ACSF2: variants seen among roughly 807,000 people sequenced by gnomAD.
The protein encoded by ACSF2 is acyl-CoA synthetase family member 2.
A neutral mutation model predicts 79.3 loss-of-function variants in ACSF2; 52 were observed. That is an observed-to-expected ratio of 0.66 (90% confidence interval 0.53 to 0.83). The LOEUF (loss-of-function observed/expected upper bound fraction) is 0.83. Among genes scored for constraint, ACSF2 ranks in the 40% least tolerant of loss-of-function variants. The pLI, the probability that ACSF2 is intolerant of heterozygous loss-of-function variation, is 0.00. For missense variants in ACSF2, 661 were observed against 803.3 expected, an observed-to-expected ratio of 0.82 and a Z score of 2.14; for synonymous variants, 283 against 312.6, an observed-to-expected ratio of 0.91 and a Z score of 1.00.
intron 10 of ACSF2, 168 bp downstream of exon 10, chr17:50,464,462 G>A: frequency 1.4e-6 from 1 of 722,536 alleles, no homozygotes; most frequent in Non-Finnish European, 2.5e-6. Context: ...ATCAGCACCT[G>A]GTGGGTGAAG....
At position 50,471,027 on chromosome 17, in the gene ACSF2, G is replaced by T. The variant is rs750707364; in HGVS notation, c.1216-1G>T. The T allele has an allele frequency of 3.0e-5, 49 of 1,613,402 alleles. No individual in the cohort carries two copies. Among genetic ancestry groups the T allele is most frequent in the Non-Finnish European group, 4.1e-5 (48 of 1,179,408 alleles). On this transcript the variant is annotated splice_acceptor_variant, in intron 10 of 15. Coordinates refer to ENST00000300441, the MANE Select transcript of ACSF2 (RefSeq NM_025149.6). LOFTEE classifies it high-confidence loss of function. This position sits in a 1 kb window ranked among gnomAD's most constrained non-coding sequence, Gnocchi z 4.1. ...TCAAACACCCTTTCTGGACCCTCTA[G>T]GTTGCTTATGGAACCACAGAGAACA...
At chr17:50,435,729 T>TA (rs984622803) in intron 1 of ACSF2, among the ~76,000 whole-genome samples, 2 of 152,056 alleles carry the variant, frequency 1.3e-5, no homozygotes, top group African/African-American at 4.8e-5. Flanking sequence ...TATAGCAATT[T>TA]AAAAAAATTT....
Position 50,426,330 on chromosome 17 carries a change from C to T in ACSF2, c.69C>T (p.Ala23=). The T allele has an allele frequency of 1.4e-6, 2 of 1,420,528 alleles. No homozygotes were observed. The highest frequency in any genetic ancestry group is 1.6e-5 in the South Asian group (1 of 61,970). The allele number at this position is 1,420,528 out of a possible 1,614,324, so 88.0% of individuals were successfully genotyped here. A position where few individuals can be genotyped will look rare whatever the true frequency, so the allele number is the denominator to read the frequency against. Residue 23 remains alanine (A), a synonymous_variant, in exon 1 of 16, where the codon GCC becomes GCT. Transcript: ENST00000300441. The part of the protein sequence containing the change: ...LCAGSSGVLG[A]RAALSRSWQE... Reference sequence around the variant, plus strand: ...CCGGGAGCTCGGGGGTGCTGGGGGCCCGGGCCGCCCTCTCTCGGAGTTGGC... The same window carrying T: ...CCGGGAGCTCGGGGGTGCTGGGGGCTCGGGCCGCCCTCTCTCGGAGTTGGC...
In ACSF2 at chr17:50,438,627, C is replaced by T. The variant is rs907665530; in HGVS notation, c.128+12238C>T. Among the ~76,000 whole-genome samples, 10 of 151,974 alleles carry T rather than the reference C, an allele frequency of 6.6e-5. No individual in the cohort carries two copies. In the South Asian group the frequency reaches 8.3e-4, roughly 13 times the overall value. On this transcript the variant is annotated intron_variant, in intron 1 of 15. Coordinates refer to ENST00000300441, the MANE Select transcript of ACSF2 (RefSeq NM_025149.6). The stretch of plus-strand genomic sequence containing the variant: ...TGTCACCCAGGCTGGAGTACGACAG[C>T]GCTGTCTAGGCTCACTGCAACCTCC...
chr17:50,448,633 G>A (rs149272427), intron 1 of ACSF2, among the ~76,000 whole-genome samples: 193 of 152,316 alleles, frequency 1.3e-3, no homozygotes, highest in African/African-American at 4.2e-3. Context: ...AAGAAGACAA[G>A]GATTTTTAAA....
At chr17:50,429,240 T>A (rs1437084997) in intron 1 of ACSF2, among the ~76,000 whole-genome samples, 1 of 152,216 alleles carries the variant, frequency 6.6e-6, no homozygotes. Flanking sequence ...CTTGCTGTGT[T>A]GTTGGGCTGA....
chr17:50,464,777 G>GGGC lies in ACSF2; in HGVS notation c.1215+485_1215+486insCGG, dbSNP rs1555611970. Reference sequence around the variant, plus strand: ...TGTGGTTCTGATTGACTTGGGGGGGGGGTCTCAGCAACAGCTTCTCCAAGA... The same window carrying GGGC: ...TGTGGTTCTGATTGACTTGGGGGGGGGGCGGTCTCAGCAACAGCTTCTCCAAGA... On this transcript the variant is annotated intron_variant, in intron 10 of 15. Coordinates refer to ENST00000300441, the MANE Select transcript of ACSF2 (RefSeq NM_025149.6). 5.1e-5 allele frequency: 17 copies of GGGC among 331,048 alleles called. 2 individuals carry two copies. The highest frequency in any genetic ancestry group is 7.1e-5 in the Non-Finnish European group (12 of 168,578). The allele number at this position is 331,048 out of a possible 1,614,324, so 20.5% of individuals were successfully genotyped here.
rs992587609 is a variant in ACSF2, at chr17:50,463,902, G to A, written c.1131G>A (p.Met377Ile). The change falls in exon 9 of 16, where the codon ATG (methionine) becomes ATA (isoleucine). Residue 377 changes from methionine (M) to isoleucine (I), a missense_variant. Coordinates refer to ENST00000300441, the MANE Select transcript of ACSF2 (RefSeq NM_025149.6). The surrounding 1 kb of genome is among the most constrained non-coding windows in gnomAD (Gnocchi z 4.6). ...TCTCCAGTTATGACATCTCGACCATGTGTGGAGGTGGGGTGGGGCCAAGGG... is the reference window on the plus strand; with the variant it reads ...TCTCCAGTTATGACATCTCGACCATATGTGGAGGTGGGGTGGGGCCAAGGG... ...PDFSSYDIST[M>I]CGGVIAGSPA... The A allele has an allele frequency of 3.7e-6, 6 of 1,614,146 alleles. No homozygotes were observed. Among genetic ancestry groups the A allele is most frequent in the Non-Finnish European group, 5.1e-6 (6 of 1,180,014 alleles).
At chr17:50,455,266 A>G (rs1411230459) in intron 1 of ACSF2, among the ~76,000 whole-genome samples, 2 of 152,180 alleles carry the variant, frequency 1.3e-5, no homozygotes, top group Non-Finnish European at 2.9e-5. Context: ...TACAGGTGTG[A>G]TTCATCATTC....
chr17:50,428,919 G>C (rs1567833485), intron 1 of ACSF2, among the ~76,000 whole-genome samples: 4 of 152,258 alleles, frequency 2.6e-5, no homozygotes, highest in Admixed American at 2.0e-4. Context: ...ACCCTGCCAG[G>C]AACTTGCAGC....
chr17:50,428,288 T>A (rs1915194957), intron 1 of ACSF2, among the ~76,000 whole-genome samples: 12 of 151,404 alleles, frequency 7.9e-5, no homozygotes, highest in African/African-American at 2.9e-4. Flanking sequence ...GAGACCGGTT[T>A]GGCCAACATG....
At chr17:50,444,327 C>T (rs7214857) in intron 1 of ACSF2, among the ~76,000 whole-genome samples, 36,938 of 151,966 alleles carry the variant, frequency 0.24, 5,006 homozygotes, top group Non-Finnish European at 0.31. Flanking sequence ...CTGAGATGGA[C>T]GGATCACTTG....
At chr17:50,457,082 CAATA>C (rs1009032789) in intron 1 of ACSF2, among the ~76,000 whole-genome samples, 11 of 150,154 alleles carry the variant, frequency 7.3e-5, no homozygotes, top group African/African-American at 2.7e-4. Context: ...AACAGACAAA[CAATA>C]AAAAAAAAAA....
intron 10 of ACSF2, among the ~76,000 whole-genome samples, chr17:50,467,441 T>A (rs190739872): frequency 9.8e-5 from 15 of 152,298 alleles, no homozygotes; most frequent in African/African-American, 1.4e-4. Context: ...GACTTGAGAA[T>A]GCAGTGAATT....
chr17:50,469,145 C>A, intron 10 of ACSF2: 1 of 638,218 alleles, frequency 1.6e-6, no homozygotes, highest in Non-Finnish European at 2.0e-6. Context: ...TGCCTACCGC[C>A]TTTCCCGGGG....
At chr17:50,460,208 A>G (rs1324412812) in intron 1 of ACSF2, 1 of 456,648 alleles carries the variant, frequency 2.2e-6, no homozygotes, top group South Asian at 1.5e-5. Context: ...TCAGGCCCTC[A>G]GGAGAAAAAC....
chr17:50,469,679 G>A lies in ACSF2; in HGVS notation c.1216-1349G>A, dbSNP rs181398217. Among the ~76,000 whole-genome samples the A allele has an allele frequency of 4.6e-3, 706 of 152,256 alleles. 4 individuals are homozygous for A. The highest frequency in any genetic ancestry group is 0.016 in the African/African-American group (661 of 41,564). On this transcript the variant is annotated intron_variant, in intron 10 of 15. Transcript: ENST00000300441. ...ACCATCCCCCCTCCTTCATCGCCCC[G>A]AAATATCTCCATCCCTCATCCCCAA...
chr17:50,431,204 C>T (rs1006695841), intron 1 of ACSF2, among the ~76,000 whole-genome samples: 2 of 152,216 alleles, frequency 1.3e-5, no homozygotes, highest in African/African-American at 4.8e-5. Flanking sequence ...GAATGGTACA[C>T]ATCTGTTTTA....
chr17:50,465,062 A>G (rs981066361), intron 10 of ACSF2: 2 of 557,638 alleles, frequency 3.6e-6, no homozygotes, highest in Non-Finnish European at 6.4e-6. Flanking sequence ...GCAAAGAGGC[A>G]AAGATCGATG....
Sources: allele counts gnomAD v4.1 joint callset (sites outside exome capture counted in the v4.1 genomes callset), GRCh38; gene constraint gnomAD v4.1.1; non-coding constraint Gnocchi (gnomAD v3.1); transcripts MANE v1.5; gene names NCBI Gene and HGNC (gene_info 2026-07-23, HGNC 2026-07-21).